Variants in LOC128706666 observed in about 807,000 individuals in gnomAD.
chr20:10,424,876 A>T, the LOC128706666 span, among the ~76,000 whole-genome samples: 1 of 152,054 alleles, frequency 6.6e-6, no homozygotes, highest in South Asian at 2.1e-4. Context: ...ACATGGTGAA[A>T]CCCTGTCTCT....
At chr20:10,416,124 T>C in the LOC128706666 span, among the ~76,000 whole-genome samples, 1 of 152,136 alleles carries the variant, frequency 6.6e-6, no homozygotes, top group African/African-American at 2.4e-5. Context: ...GTCCTGACTA[T>C]TCTTGGATGC....
the LOC128706666 span, among the ~76,000 whole-genome samples, chr20:10,426,333 A>C: frequency 6.6e-6 from 1 of 152,190 alleles, no homozygotes; most frequent in South Asian, 2.1e-4. Context: ...GATGAGGGGA[A>C]CATTTGGAGG....
chr20:10,418,599 T>A, the LOC128706666 span, among the ~76,000 whole-genome samples: 6 of 152,274 alleles, frequency 3.9e-5, no homozygotes, highest in South Asian at 1.2e-3. Flanking sequence ...TAACTATTGC[T>A]GCACTGGCAT....
the LOC128706666 span, among the ~76,000 whole-genome samples, chr20:10,425,519 A>C: frequency 6.6e-6 from 1 of 152,246 alleles, no homozygotes; most frequent in African/African-American, 2.4e-5. Flanking sequence ...AAGGTTCATG[A>C]TACTGAGAAG....
chr20:10,419,902 T>A, the LOC128706666 span, among the ~76,000 whole-genome samples: 1 of 152,202 alleles, frequency 6.6e-6, no homozygotes, highest in Non-Finnish European at 1.5e-5. Context: ...TGCAGGTAAC[T>A]GAAACTGCAG....
chr20:10,430,040 A>AAAAAAC, the LOC128706666 span, among the ~76,000 whole-genome samples: 34 of 152,064 alleles, frequency 2.2e-4, no homozygotes, highest in African/African-American at 8.0e-4. Flanking sequence ...ACAAAAAACA[A>AAAAAAC]AAAAACAAAA....
At chr20:10,431,062 A>C in the LOC128706666 span, among the ~76,000 whole-genome samples, 3 of 152,174 alleles carry the variant, frequency 2.0e-5, no homozygotes, top group African/African-American at 4.8e-5. Context: ...AGAGAACTAT[A>C]TACATTCATA....
chr20:10,428,664 C>A, the LOC128706666 span, among the ~76,000 whole-genome samples: 1 of 152,102 alleles, frequency 6.6e-6, no homozygotes, highest in South Asian at 2.1e-4. Flanking sequence ...GATGGTGAAA[C>A]CCCATTTCTA....
the LOC128706666 span, among the ~76,000 whole-genome samples, chr20:10,431,144 A>C: frequency 6.6e-6 from 1 of 152,178 alleles, no homozygotes. Flanking sequence ...GGAGTATATT[A>C]TCTTATACGA....
At chr20:10,433,431 T>C in the LOC128706666 span, among the ~76,000 whole-genome samples, 40 of 152,360 alleles carry the variant, frequency 2.6e-4, no homozygotes, top group African/African-American at 9.1e-4. Context: ...TCTTGGTCAC[T>C]GCCGTATCTA....
the LOC128706666 span, chr20:10,434,112 G>C: frequency 6.6e-6 from 1 of 152,342 alleles, no homozygotes. Flanking sequence ...TCTCACCTGC[G>C]CACCAGCCGT....
chr20:10,433,578 G>A, the LOC128706666 span, among the ~76,000 whole-genome samples: 1 of 152,166 alleles, frequency 6.6e-6, no homozygotes, highest in Non-Finnish European at 1.5e-5. Flanking sequence ...GGAGGAAGAC[G>A]AGCATGACCT....
the LOC128706666 span, among the ~76,000 whole-genome samples, chr20:10,417,144 G>A: frequency 1.1e-4 from 16 of 151,616 alleles, no homozygotes; most frequent in African/African-American, 3.2e-4. Context: ...CCAGTTACTC[G>A]GGAGGTTGAA....
chr20:10,430,896 G>A, the LOC128706666 span, among the ~76,000 whole-genome samples: 27 of 152,296 alleles, frequency 1.8e-4, no homozygotes, highest in Admixed American at 1.0e-3. Flanking sequence ...TTTCAGACAC[G>A]CTGTTGGTCT....
the LOC128706666 span, among the ~76,000 whole-genome samples, chr20:10,417,137 G>C: frequency 6.6e-6 from 1 of 151,652 alleles, no homozygotes; most frequent in African/African-American, 2.4e-5. Flanking sequence ...TGTAATCCCA[G>C]TTACTCGGGA....
the LOC128706666 span, chr20:10,413,811 G>A: frequency 1.9e-6 from 1 of 524,804 alleles, no homozygotes; most frequent in Admixed American, 3.5e-5. Flanking sequence ...CAAAAAGTAT[G>A]TTCCAAGATG....
chr20:10,413,837 T>C, the LOC128706666 span: 1 of 456,916 alleles, frequency 2.2e-6, no homozygotes, highest in Non-Finnish European at 3.9e-6. Context: ...CTATGAAAGA[T>C]ATCCCAGCTA....
At chr20:10,433,952 G>A in the LOC128706666 span, among the ~76,000 whole-genome samples, 1 of 152,206 alleles carries the variant, frequency 6.6e-6, no homozygotes, top group Non-Finnish European at 1.5e-5. Context: ...GCCTCCTACA[G>A]AGAGCCAGCC....
the LOC128706666 span, among the ~76,000 whole-genome samples, chr20:10,430,565 A>G: frequency 3.9e-5 from 6 of 152,204 alleles, no homozygotes; most frequent in Non-Finnish European, 7.3e-5. Context: ...GGTCCCCATA[A>G]AGGAAGGCCC....
Sources: gnomAD v4.1 joint callset for allele counts (sites outside exome capture counted in the v4.1 genomes callset) on GRCh38, gnomAD v4.1.1 for gene constraint, MANE v1.5 for transcripts.